MID2: variants seen among roughly 807,000 people sequenced by gnomAD.
MID2 encodes the protein midline 2.
MID2 carries 13 observed loss-of-function variants against 46.1 expected under a neutral mutation model. The ratio of observed to expected loss-of-function variants is 0.28; its 90% CI spans 0.18 to 0.45. The LOEUF is 0.45. MID2 is among the 20% of genes least tolerant of loss of function. MID2 has a pLI of 1.00. For missense variants in MID2, 431 were observed against 575.4 expected (o/e 0.75, Z 2.57); for synonymous variants, 199 against 212.3 (o/e 0.94, Z 0.55).
chrX:107,876,799 G>T (rs993895809), intron 3 of MID2, among the ~76,000 whole-genome samples: 7 of 112,115 alleles, frequency 6.2e-5, no homozygotes, highest in Non-Finnish European at 1.3e-4. Flanking sequence ...CTATACAACT[G>T]TCAGGGTCAT....
intron 3 of MID2, among the ~76,000 whole-genome samples, chrX:107,887,275 C>A (rs979771433): frequency 2.7e-5 from 3 of 111,724 alleles, no homozygotes; most frequent in Admixed American, 9.5e-5. Flanking sequence ...ATAAATAGCT[C>A]TTATTATTTT....
intron 2 of MID2, 44 bp from the exon 3 acceptor site, chrX:107,854,561 TCCCC>T: frequency 1.1e-6 from 1 of 934,542 alleles, no homozygotes; most frequent in African/African-American, 1.9e-5. Flanking sequence ...GGTTCTTTTT[TCCCC>T]TCTTCTCGGT....
chrX:107,835,216 T>C (rs759711620), intron 1 of MID2, among the ~76,000 whole-genome samples: 1 of 112,499 alleles, frequency 8.9e-6, no homozygotes, highest in Non-Finnish European at 1.9e-5. Flanking sequence ...ACTTCATTCC[T>C]TTTTATAGCC....
chrX:107,875,892 C>T (rs1351191037), intron 3 of MID2, among the ~76,000 whole-genome samples: 1 of 111,409 alleles, frequency 9.0e-6, no homozygotes, highest in African/African-American at 3.3e-5. Context: ...TCAGAACTAC[C>T]TGGGGCTCCT....
At chrX:107,896,777 G>T (rs1424565979) in intron 3 of MID2, among the ~76,000 whole-genome samples, 1 of 110,752 alleles carries the variant, frequency 9.0e-6, no homozygotes, top group African/African-American at 3.3e-5. Flanking sequence ...AAAGGAAAAA[G>T]AAGTATATGT....
At chrX:107,921,776 T>C (rs190532881) in intron 7 of MID2, among the ~76,000 whole-genome samples, 1 of 111,700 alleles carries the variant, frequency 9.0e-6, no homozygotes. Context: ...GATTTAGCCA[T>C]TGGGAGCCTT....
chrX:107,916,154 T>C, intron 6 of MID2, 25 bp downstream of exon 6: 1 of 1,082,245 alleles, frequency 9.2e-7, no homozygotes, highest in Non-Finnish European at 1.2e-6. Flanking sequence ...TGCTTTCCTT[T>C]CCATTTAATT....
At chrX:107,889,595 T>C (rs1370775331) in intron 3 of MID2, among the ~76,000 whole-genome samples, 2 of 111,168 alleles carry the variant, frequency 1.8e-5, no homozygotes, top group Non-Finnish European at 3.8e-5. Flanking sequence ...CAATTATGTG[T>C]CTTGGAGTTG....
In MID2 at chrX:107,845,525, A is replaced by ACACACACTCTCTCTCTCT. The variant is rs1276957001; in HGVS notation, c.720+4141_720+4142insACACACTCTCTCTCTCTC. Among the ~76,000 whole-genome samples the ACACACACTCTCTCTCTCT allele has an allele frequency of 1.2e-3, 84 of 72,936 alleles. 1 individual carries two copies. The highest frequency in any genetic ancestry group is 6.2e-3 in the African/African-American group (82 of 13,202). The allele number at this position is 72,936 out of a possible 115,157, so 63.3% of individuals were successfully genotyped here. A position where few individuals can be genotyped will look rare whatever the true frequency, so the allele number is the denominator to read the frequency against. ...CACACACACACACACACACACACAC[A>ACACACACTCTCTCTCTCT]CTCTCTCTCTCTCTCTCTCTCTCTC... On this transcript the variant is annotated intron_variant, in intron 2 of 9. Transcript: ENST00000262843.
At chrX:107,878,058 A>G (rs1932239098) in intron 3 of MID2, among the ~76,000 whole-genome samples, 1 of 110,702 alleles carries the variant, frequency 9.0e-6, no homozygotes, top group Admixed American at 9.5e-5. Flanking sequence ...CCCTTGCTCT[A>G]TGCAAATGGG....
At chrX:107,902,039 C>T (rs1300534951) in intron 3 of MID2, among the ~76,000 whole-genome samples, 2 of 111,963 alleles carry the variant, frequency 1.8e-5, no homozygotes, top group Non-Finnish European at 1.9e-5. Flanking sequence ...TAAGGTTAAA[C>T]GTGTAGTCTC....
At chrX:107,923,775 A>T (rs1207757078) in intron 7 of MID2, among the ~76,000 whole-genome samples, 1 of 112,003 alleles carries the variant, frequency 8.9e-6, no homozygotes, top group African/African-American at 3.2e-5. Context: ...TAGAGAGAAC[A>T]CTGGGCTACC....
Position 107,927,212 on chromosome X carries a change from A to T in MID2, c.*139A>T, listed in dbSNP as rs1349504790. On this transcript the variant is annotated 3_prime_UTR_variant, in exon 10 of 10. Coordinates refer to ENST00000262843, the MANE Select transcript of MID2 (RefSeq NM_012216.4). ...AAAATAACTAGATATTGCAGATTTA[A>T]TTTTTGTGCATTAAAGCTTGTATTT... The T allele has an allele frequency of 1.5e-5, 7 of 473,712 alleles. 1 individual carries two copies. The allele number at this position is 473,712 out of a possible 1,213,427, so 39.0% of individuals were successfully genotyped here. A position where few individuals can be genotyped will look rare whatever the true frequency, so the allele number is the denominator to read the frequency against.
chrX:107,887,602 C>T (rs935445124), intron 3 of MID2, among the ~76,000 whole-genome samples: 3 of 111,561 alleles, frequency 2.7e-5, no homozygotes, highest in Non-Finnish European at 5.7e-5. Flanking sequence ...TGTTGTGTCT[C>T]TACCAGGCTT....
chrX:107,910,655 C>G (rs1306577508), intron 5 of MID2, among the ~76,000 whole-genome samples: 1 of 102,611 alleles, frequency 9.7e-6, no homozygotes, highest in Non-Finnish European at 2.0e-5. Flanking sequence ...ACATCCTCAC[C>G]AGCACTTATC....
chrX:107,841,473 T>C (rs752754612), intron 2 of MID2, 88 bp downstream of exon 2: 1 of 670,430 alleles, frequency 1.5e-6, no homozygotes, highest in East Asian at 3.3e-5. Context: ...ACTTTTCCTA[T>C]ATGACAAGTG....
At chrX:107,848,031 A>C (rs1427149478) in intron 2 of MID2, among the ~76,000 whole-genome samples, 1 of 111,351 alleles carries the variant, frequency 9.0e-6, no homozygotes, top group African/African-American at 3.3e-5. Context: ...TGAAAGGGCA[A>C]GTGTCCTAGA....
chrX:107,841,698 A>G (rs1375373568), intron 2 of MID2, among the ~76,000 whole-genome samples: 1 of 112,488 alleles, frequency 8.9e-6, no homozygotes. Flanking sequence ...TATCTTTGCT[A>G]TGATCTTTCC....
intron 1 of MID2, among the ~76,000 whole-genome samples, chrX:107,840,039 G>A (rs975661026): frequency 1.8e-5 from 2 of 112,211 alleles, no homozygotes; most frequent in Admixed American, 9.4e-5. Flanking sequence ...CAGTTTACTA[G>A]GAATAGAATG....
Sources: allele counts gnomAD v4.1 joint callset (sites outside exome capture counted in the v4.1 genomes callset), GRCh38; gene constraint gnomAD v4.1.1; transcripts MANE v1.5; gene names NCBI Gene and HGNC (gene_info 2026-07-23, HGNC 2026-07-21).